Variants in CCDC7 observed in about 807,000 individuals in gnomAD.
The protein encoded by CCDC7 is coiled-coil domain containing 7, also known as coiled-coil domain-containing protein 7.
In CCDC7, 183 loss-of-function variants were observed where a neutral mutation model predicts 196.9. The observed-to-expected ratio is 0.93, with a 90% CI of 0.82 to 1.05. The LOEUF (loss-of-function observed/expected upper bound fraction) is 1.05. Among genes scored for constraint, CCDC7 ranks in the 50% least tolerant of loss-of-function variants. The pLI is 0.00. For synonymous variants in CCDC7, 525 were observed against 484.6 expected, an observed-to-expected ratio of 1.08 and a Z score of -1.10; for missense variants, 1,540 against 1,482.2, an observed-to-expected ratio of 1.04 and a Z score of -0.64.
intron 18 of CCDC7, among the ~76,000 whole-genome samples, chr10:32,604,605 G>A (rs2061386782): frequency 6.6e-6 from 1 of 151,972 alleles, no homozygotes; most frequent in Non-Finnish European, 1.5e-5. Flanking sequence ...TATTTTATCA[G>A]TGTTTTACAG....
At chr10:32,597,883 A>C (rs150359198) in intron 18 of CCDC7, among the ~76,000 whole-genome samples, 29 of 152,148 alleles carry the variant, frequency 1.9e-4, no homozygotes, top group Non-Finnish European at 4.3e-4. Flanking sequence ...TCAGAGGGGC[A>C]CCCGGCCTTA....
At chr10:32,549,758 G>A (rs2053153463) in intron 13 of CCDC7, among the ~76,000 whole-genome samples, 1 of 152,084 alleles carries the variant, frequency 6.6e-6, no homozygotes, top group South Asian at 2.1e-4. Flanking sequence ...TCTCTTTTCT[G>A]TTCCATTGTC....
chr10:32,705,909 A>G (rs2079651280), intron 24 of CCDC7, among the ~76,000 whole-genome samples: 1 of 152,106 alleles, frequency 6.6e-6, no homozygotes, highest in African/African-American at 2.4e-5. Context: ...AGACAGATCA[A>G]CGAGACAGAA....
At chr10:32,740,709 A>C (rs1358568644) in intron 28 of CCDC7, among the ~76,000 whole-genome samples, 2 of 152,192 alleles carry the variant, frequency 1.3e-5, no homozygotes, top group African/African-American at 4.8e-5. Flanking sequence ...TACTGAAAAG[A>C]CTATCTGTTT....
At chr10:32,488,246 C>T (rs1261505490) in intron 8 of CCDC7, among the ~76,000 whole-genome samples, 1 of 152,330 alleles carries the variant, frequency 6.6e-6, no homozygotes, top group Non-Finnish European at 1.5e-5. Flanking sequence ...GCTGTGCTAG[C>T]AATGAGTGAG....
rs2085597072 is a variant in CCDC7, at chr10:32,805,281, ATAT to A, written c.3097+189_3097+191del. Among the ~76,000 whole-genome samples the A allele has an allele frequency of 2.0e-5, 3 of 152,176 alleles. No individual in the cohort carries two copies. In the South Asian group the frequency reaches 6.2e-4, roughly 31 times the overall value. On this transcript the variant is annotated intron_variant, in intron 30 of 41. Transcript: ENST00000639629. ...TTACTAGAAATGTAAAGCTAGCTAG[ATAT>A]TATTACTTTTAGGACTCATCCATTT... is the stretch of plus-strand genomic sequence containing the variant.
intron 29 of CCDC7, among the ~76,000 whole-genome samples, chr10:32,780,241 C>CA (rs1171090010): frequency 6.6e-6 from 1 of 151,852 alleles, no homozygotes; most frequent in Non-Finnish European, 1.5e-5. Context: ...GTCAAACAAA[C>CA]AAAAAAACCC....
intron 21 of CCDC7, among the ~76,000 whole-genome samples, chr10:32,673,653 ACGTGTGTG>A (rs893399079): frequency 5.0e-5 from 6 of 120,638 alleles, no homozygotes; most frequent in Admixed American, 1.6e-4. Flanking sequence ...ACCATTGTGC[ACGTGTGTG>A]TGTGTGTGTG....
chr10:32,480,707 T>C (rs908727322), intron 8 of CCDC7, among the ~76,000 whole-genome samples: 2 of 152,220 alleles, frequency 1.3e-5, no homozygotes, highest in Non-Finnish European at 2.9e-5. Context: ...GCCACTGTGA[T>C]TGGGAAATAC....
chr10:32,674,503 G>C (rs2074594105), intron 21 of CCDC7, among the ~76,000 whole-genome samples: 1 of 152,088 alleles, frequency 6.6e-6, no homozygotes, highest in Admixed American at 6.6e-5. Flanking sequence ...TTGTGATATA[G>C]CATGTGATTT....
In CCDC7 at chr10:32,627,838, C is replaced by A. The variant is rs113101393; in HGVS notation, c.1802-6416C>A. Among the ~76,000 whole-genome samples the A allele has an allele frequency of 6.8e-3, 1,029 of 151,876 alleles. 5 individuals carry two copies. Among genetic ancestry groups the A allele is most frequent in the Middle Eastern group, 0.037 (11 of 294 alleles). On this transcript the variant is annotated intron_variant, in intron 18 of 41. Transcript: ENST00000639629. The stretch of plus-strand genomic sequence containing the variant: ...ATTTATTGATTTGTATGTATTGAAC[C>A]TTTTATGCATCCCTAGGATAAATCT...
At chr10:32,591,235 C>G (rs2137836741) in intron 18 of CCDC7, among the ~76,000 whole-genome samples, 2 of 151,700 alleles carry the variant, frequency 1.3e-5, no homozygotes, top group Middle Eastern at 6.8e-3. Flanking sequence ...GTTTTTTATT[C>G]TTTTTTCTCC....
chr10:32,828,479 G>GAAGAAGAAGAAGAAGAAGAA (rs1565633928), intron 32 of CCDC7, among the ~76,000 whole-genome samples: 7 of 61,484 alleles, frequency 1.1e-4, no homozygotes, highest in Admixed American at 1.8e-4. Context: ...AAGAGGAAGA[G>GAAGAAGAAGAAGAAGAAGAA]GAAGAGGAAG....
At chr10:32,471,706 T>C (rs1035722451) in intron 6 of CCDC7, among the ~76,000 whole-genome samples, 1 of 152,204 alleles carries the variant, frequency 6.6e-6, no homozygotes, top group Non-Finnish European at 1.5e-5. Flanking sequence ...ACCATGTTTT[T>C]GCATTAGACA....
At chr10:32,546,965 C>T (rs920115375) in intron 13 of CCDC7, among the ~76,000 whole-genome samples, 1 of 152,092 alleles carries the variant, frequency 6.6e-6, no homozygotes, top group Non-Finnish European at 1.5e-5. Flanking sequence ...ATAGATTGTT[C>T]GTATCATAGC....
At chr10:32,868,572 TC>T (rs1467683893) in intron 41 of CCDC7, among the ~76,000 whole-genome samples, 27 of 151,934 alleles carry the variant, frequency 1.8e-4, no homozygotes, top group African/African-American at 6.5e-4. Context: ...AGCACATTAT[TC>T]TTTTTTTTTA....
chr10:32,499,348 T>G (rs991790196), intron 9 of CCDC7: 8 of 152,152 alleles, frequency 5.3e-5, no homozygotes, highest in African/African-American at 1.7e-4. Flanking sequence ...AGGAGACATC[T>G]GATTATTCTT....
At position 32,650,145 on chromosome 10, in the gene CCDC7, C is replaced by A. The variant is rs112287191; in HGVS notation, c.2015-13909C>A. On this transcript the variant is annotated intron_variant, in intron 20 of 41. Coordinates refer to ENST00000639629, the Ensembl canonical transcript of CCDC7. ...GTTCTCATCTGGGAGGACTAGTATT[C>A]TTTTCATTGTGTTATAAATTGAGCA... is the stretch of plus-strand genomic sequence containing the variant. 2.9e-3 allele frequency among the ~76,000 whole-genome samples: 437 copies of A among 152,208 alleles called. 1 individual carries two copies. Among genetic ancestry groups the A allele is most frequent in the Non-Finnish European group, 5.2e-3 (356 of 68,008 alleles).
intron 20 of CCDC7, among the ~76,000 whole-genome samples, chr10:32,642,978 G>A (rs1309084228): frequency 6.6e-6 from 1 of 152,184 alleles, no homozygotes; most frequent in Non-Finnish European, 1.5e-5. Context: ...AATAAATTAA[G>A]CAGAATTTGG....
Sources: allele counts gnomAD v4.1 joint callset (sites outside exome capture counted in the v4.1 genomes callset), GRCh38; gene constraint gnomAD v4.1.1; transcripts MANE v1.5; gene names NCBI Gene and HGNC (gene_info 2026-07-23, HGNC 2026-07-21).